Variants in PTPRK observed in about 807,000 individuals in gnomAD.
PTPRK encodes the protein protein tyrosine phosphatase receptor type K.
Under a neutral mutation model 178.0 loss-of-function variants are expected in PTPRK, and 75 were observed. That is an observed-to-expected ratio of 0.42 (90% CI 0.35 to 0.51). PTPRK has a LOEUF of 0.51. PTPRK is among the 20% of genes least tolerant of loss of function. PTPRK has a pLI of 0.02. For missense variants in PTPRK, 1,441 were observed against 1,797.8 expected, an observed-to-expected ratio of 0.80 and a Z score of 3.59; for synonymous variants, 637 against 620.6, an observed-to-expected ratio of 1.03 and a Z score of -0.39.
At chr6:128,188,601 T>A (rs920466924) in intron 6 of PTPRK, among the ~76,000 whole-genome samples, 2 of 152,204 alleles carry the variant, frequency 1.3e-5, no homozygotes, top group African/African-American at 4.8e-5. Flanking sequence ...TATTACATTA[T>A]TCTCCTATGG....
chr6:128,373,850 T>C (rs1296869860), intron 2 of PTPRK, among the ~76,000 whole-genome samples: 1 of 152,148 alleles, frequency 6.6e-6, no homozygotes, highest in East Asian at 1.9e-4. Flanking sequence ...TAGTTATCAT[T>C]CTCTTGAGCA....
At chr6:128,186,852 G>A (rs1440040510) in intron 6 of PTPRK, among the ~76,000 whole-genome samples, 1 of 152,084 alleles carries the variant, frequency 6.6e-6, no homozygotes, top group Non-Finnish European at 1.5e-5. Flanking sequence ...AAATGTAAAT[G>A]TCTTCCGAGA....
rs546582854 is a variant in PTPRK, at chr6:128,022,949, G to A, written c.2195-13681C>T. ...GAGCCTGCCTCATCTCAGCTACTTG[G>A]GATCACTGCACGAACCAAAATGCTC... On this transcript the variant is annotated intron_variant, in intron 13 of 29. Coordinates refer to ENST00000368226, the MANE Select transcript of PTPRK (RefSeq NM_002844.4). 3.3e-5 allele frequency among the ~76,000 whole-genome samples: 5 copies of A among 152,208 alleles called. No individual in the cohort carries two copies. The South Asian group carries it at 1.0e-3, about 32-fold the overall frequency.
intron 7 of PTPRK, among the ~76,000 whole-genome samples, chr6:128,103,408 A>C (rs1447994704): frequency 6.6e-6 from 1 of 152,168 alleles, no homozygotes; most frequent in Non-Finnish European, 1.5e-5. Context: ...AGCCATCTGC[A>C]GATGGCAGAG....
chr6:128,056,679 C>T (rs903943760), intron 13 of PTPRK, among the ~76,000 whole-genome samples: 1 of 152,244 alleles, frequency 6.6e-6, no homozygotes, highest in South Asian at 2.1e-4. Context: ...CTGCCTCGGC[C>T]TCCCAAAGTG....
rs757577999 is a variant in PTPRK at position 127,985,776 on chromosome 6, G to A, written c.3196C>T (p.Arg1066Trp). 11 of 1,613,796 alleles carry A rather than the reference G, an allele frequency of 6.8e-6. No individual in the cohort carries two copies. The South Asian group carries it at 8.8e-5, about 13-fold the overall frequency. The change falls in exon 22 of 30, where the codon CGG becomes TGG. Residue 1066 changes from arginine (R) to tryptophan (W), a missense_variant. Around this residue, in one of 4 missense-constraint regions of PTPRK, gnomAD observed 335 missense variants for 512.4 expected, o/e 0.65. Transcript: ENST00000368226. ...GGAGGGTTTGATAACTTGACTCGCC[G>A]GATAAAGGAAAGCAGCCCTGTAGCA... ...YHATGLLSFI[R>W]RVKLSNPPSA...
intron 3 of PTPRK, among the ~76,000 whole-genome samples, chr6:128,253,458 G>A (rs1281603275): frequency 6.6e-6 from 1 of 152,090 alleles, no homozygotes; most frequent in East Asian, 1.9e-4. Flanking sequence ...TCCACCATCT[G>A]GGTTATATTT....
In PTPRK at chr6:128,368,561, C is replaced by G. The variant is rs114776638; in HGVS notation, c.223+29005G>C. On this transcript the variant is annotated intron_variant, in intron 2 of 29. Transcript: ENST00000368226. ...ACTCACTTCCAATTTATTTTTAACA[C>G]AAAATAAATGCTACTAACTCAAGAT... 2.0e-3 allele frequency among the ~76,000 whole-genome samples: 300 copies of G among 152,098 alleles called. 1 individual carries two copies. Among genetic ancestry groups the G allele is most frequent in the African/African-American group, 7.0e-3 (292 of 41,504 alleles).
intron 6 of PTPRK, among the ~76,000 whole-genome samples, chr6:128,210,516 T>C (rs961053876): frequency 3.9e-5 from 6 of 152,112 alleles, no homozygotes; most frequent in Non-Finnish European, 8.8e-5. Context: ...GTGCATCTAT[T>C]CAAGAAAAAA....
intron 13 of PTPRK, among the ~76,000 whole-genome samples, chr6:128,035,203 C>T (rs1280865181): frequency 2.0e-5 from 3 of 151,988 alleles, no homozygotes; most frequent in East Asian, 3.9e-4. Context: ...CCCGGCTCTA[C>T]AAAAAATACA....
At chr6:128,346,051 C>G (rs774948609) in intron 2 of PTPRK, among the ~76,000 whole-genome samples, 2 of 151,876 alleles carry the variant, frequency 1.3e-5, no homozygotes, top group Non-Finnish European at 2.9e-5. Flanking sequence ...CTCCTTTCAC[C>G]TTGGTATAGA....
rs1554246048 is a variant in PTPRK at position 128,380,553 on chromosome 6, CGT to C, written c.223+17011_223+17012del. ...ACACACAGACATACACACACACACACGTGTGTGTGTGTGTGTGTGTGTATGCA... is the reference window on the plus strand; with the variant it reads ...ACACACAGACATACACACACACACACGTGTGTGTGTGTGTGTGTGTATGCA... On this transcript the variant is annotated intron_variant, in intron 2 of 29. Transcript: ENST00000368226. 3.3e-3 allele frequency among the ~76,000 whole-genome samples: 476 copies of C among 146,334 alleles called. 2 individuals carry two copies. The highest frequency in any genetic ancestry group is 0.01 in the African/African-American group (415 of 39,968).
chr6:128,490,665 C>T (rs546807915), intron 1 of PTPRK, among the ~76,000 whole-genome samples: 25 of 152,296 alleles, frequency 1.6e-4, no homozygotes, highest in African/African-American at 6.0e-4. Flanking sequence ...CTCTCTGTGC[C>T]TTCATTTTCC....
At chr6:128,425,440 T>G (rs1233164822) in intron 1 of PTPRK, among the ~76,000 whole-genome samples, 1 of 152,118 alleles carries the variant, frequency 6.6e-6, no homozygotes, top group Non-Finnish European at 1.5e-5. Context: ...CAAAGGCTAA[T>G]GTATCATTCT....
At chr6:128,460,054 TA>T (rs1008701252) in intron 1 of PTPRK, among the ~76,000 whole-genome samples, 4 of 152,060 alleles carry the variant, frequency 2.6e-5, no homozygotes, top group African/African-American at 9.7e-5. Flanking sequence ...GGGATGGTGC[TA>T]AACCATTCAT....
At chr6:128,200,029 G>A (rs181480764) in intron 6 of PTPRK, among the ~76,000 whole-genome samples, 1 of 152,062 alleles carries the variant, frequency 6.6e-6, no homozygotes, top group Non-Finnish European at 1.5e-5. Flanking sequence ...CCACATAAAG[G>A]CATCAAGTAA....
intron 1 of PTPRK, among the ~76,000 whole-genome samples, chr6:128,451,803 G>A (rs934822297): frequency 6.6e-6 from 1 of 152,034 alleles, no homozygotes; most frequent in Admixed American, 6.6e-5. Context: ...TAGACTGTCA[G>A]TAACAATTTT....
At chr6:128,124,458 G>A (rs1322103594) in intron 7 of PTPRK, among the ~76,000 whole-genome samples, 1 of 152,190 alleles carries the variant, frequency 6.6e-6, no homozygotes, top group Non-Finnish European at 1.5e-5. Context: ...GCCATGTAAT[G>A]TAATCACATT....
intron 7 of PTPRK, among the ~76,000 whole-genome samples, chr6:128,148,308 A>T (rs1796777093): frequency 6.6e-6 from 1 of 152,142 alleles, no homozygotes; most frequent in Non-Finnish European, 1.5e-5. Context: ...TTGCTTTGTG[A>T]GGTAGAGAAT....
Sources: gnomAD v4.1 joint callset for allele counts (sites outside exome capture counted in the v4.1 genomes callset) on GRCh38, gnomAD v4.1.1 for gene constraint, gnomAD v4.1.1 regional missense constraint, MANE v1.5 for transcripts, NCBI Gene and HGNC (gene_info 2026-07-23, HGNC 2026-07-21) for gene names.